Variants in CCSER2 observed in about 807,000 individuals in gnomAD.
CCSER2 encodes coiled-coil serine rich protein 2.
Under a neutral mutation model 92.3 loss-of-function variants are expected in CCSER2, and 46 were observed. That is an observed-to-expected ratio of 0.50 (90% CI 0.39 to 0.64). CCSER2 has a LOEUF of 0.64. Among genes scored for constraint, CCSER2 ranks in the 30% least tolerant of loss-of-function variants. CCSER2 has a pLI of 0.00. For synonymous variants in CCSER2, 433 were observed against 431.4 expected (o/e 1.00, Z -0.04); for missense variants, 1,244 against 1,238.9 (o/e 1.00, Z -0.06).
chr10:84,501,699 A>G (rs1469038699), intron 9 of CCSER2, among the ~76,000 whole-genome samples: 1 of 142,816 alleles, frequency 7.0e-6, no homozygotes, highest in African/African-American at 2.5e-5. Flanking sequence ...CAATTCCTAC[A>G]ATACTAGTAA....
chr10:84,339,667 G>A (rs1844062460), intron 1 of CCSER2, among the ~76,000 whole-genome samples: 1 of 151,112 alleles, frequency 6.6e-6, no homozygotes, highest in Non-Finnish European at 1.5e-5. Flanking sequence ...TAGAGACGAG[G>A]TTTCTCCATG....
rs1849519643 is a variant in CCSER2, at chr10:84,514,253, C to G, written c.3130C>G (p.Pro1044Ala). 6.5e-7 allele frequency: 1 copy of G among 1,534,994 alleles called. No individual in the cohort carries two copies. The highest frequency in any genetic ancestry group is 8.7e-7 in the Non-Finnish European group (1 of 1,145,990). ...TAATCGATATTCTCGTCTTCCTAAA[C>G]CAAAGATACATTAAGTACATAGCCA... ...ASNRYSRLPK[P>A]KIH Residue 1044 changes from proline (P) to alanine (A), a missense_variant, in exon 10 of 10, where the codon CCA becomes GCA. Physicochemically the swap from Pro to Ala is conservative, Grantham distance 27. Transcript: ENST00000372088.
At chr10:84,453,973 T>A (rs968492868) in intron 6 of CCSER2, among the ~76,000 whole-genome samples, 5 of 152,206 alleles carry the variant, frequency 3.3e-5, no homozygotes, top group African/African-American at 1.2e-4. Flanking sequence ...TGCTTTTAGC[T>A]GTTTTTTGAT....
intron 9 of CCSER2, among the ~76,000 whole-genome samples, chr10:84,502,708 G>C (rs1400772240): frequency 2.0e-5 from 3 of 152,046 alleles, no homozygotes; most frequent in African/African-American, 7.2e-5. Context: ...TGAGGGAACT[G>C]CCTTTATCCT....
At position 84,340,095 on chromosome 10, in the gene CCSER2, G is replaced by A. The variant is rs533888881; in HGVS notation, c.-40+11287G>A. ...TGACCTCAGGTGATCCTCCTGCCTC[G>A]GCCTCCCAAAGTGCTGGGATTACAG... On this transcript the variant is annotated intron_variant, in intron 1 of 9. Coordinates refer to ENST00000372088, the MANE Select transcript of CCSER2 (RefSeq NM_001284240.2). Among the ~76,000 whole-genome samples, 174 of 151,998 alleles carry A rather than the reference G, an allele frequency of 1.1e-3. 2 individuals carry two copies. Among genetic ancestry groups the A allele is most frequent in the Middle Eastern group, 3.4e-3 (1 of 294 alleles).
chr10:84,397,500 A>G (rs776877720), intron 3 of CCSER2, among the ~76,000 whole-genome samples: 1 of 152,156 alleles, frequency 6.6e-6, no homozygotes, highest in Non-Finnish European at 1.5e-5. Flanking sequence ...AATTGAGGTC[A>G]CTCAATACAT....
At chr10:84,374,360 G>A (rs761080518) in intron 3 of CCSER2, among the ~76,000 whole-genome samples, 2 of 152,136 alleles carry the variant, frequency 1.3e-5, no homozygotes, top group Non-Finnish European at 2.9e-5. Flanking sequence ...CTCTTAGAAA[G>A]TTTGTTGTGG....
intron 6 of CCSER2, among the ~76,000 whole-genome samples, chr10:84,463,528 T>G (rs558945315): frequency 5.3e-5 from 8 of 152,358 alleles, no homozygotes; most frequent in African/African-American, 1.9e-4. Context: ...ACTGGGTTAC[T>G]TAATATTATT....
intron 9 of CCSER2, among the ~76,000 whole-genome samples, chr10:84,485,675 A>G (rs549546312): frequency 2.4e-4 from 36 of 152,332 alleles, no homozygotes; most frequent in Middle Eastern, 3.4e-3. Context: ...ATGTCTCTCC[A>G]TTAATTTAAG....
At chr10:84,341,961 T>C (rs943622109) in intron 1 of CCSER2, among the ~76,000 whole-genome samples, 3 of 152,226 alleles carry the variant, frequency 2.0e-5, no homozygotes, top group Non-Finnish European at 4.4e-5. Flanking sequence ...CGTATTCAGC[T>C]CTCTGAACCC....
At chr10:84,491,016 G>GT (rs921024534) in intron 9 of CCSER2, among the ~76,000 whole-genome samples, 1 of 152,230 alleles carries the variant, frequency 6.6e-6, no homozygotes, top group African/African-American at 2.4e-5. Context: ...TCCAGACCCT[G>GT]TTTGCCTGGG....
intron 4 of CCSER2, among the ~76,000 whole-genome samples, chr10:84,420,407 A>G (rs990269304): frequency 2.0e-5 from 3 of 152,236 alleles, no homozygotes; most frequent in Non-Finnish European, 4.4e-5. Flanking sequence ...CTCCTGAGGC[A>G]CCAAAGATAA....
At chr10:84,432,571 T>A (rs6585861) in intron 5 of CCSER2, among the ~76,000 whole-genome samples, 1 of 152,136 alleles carries the variant, frequency 6.6e-6, no homozygotes, top group South Asian at 2.1e-4. Flanking sequence ...CATTTTAAAA[T>A]TGGGTTGTTT....
At chr10:84,412,044 T>G (rs908783391) in intron 3 of CCSER2, among the ~76,000 whole-genome samples, 11 of 152,242 alleles carry the variant, frequency 7.2e-5, no homozygotes, top group Non-Finnish European at 5.9e-5. Flanking sequence ...ATCGAGGGTC[T>G]TTTCTGCATT....
At chr10:84,488,584 A>C (rs1355481424) in intron 9 of CCSER2, among the ~76,000 whole-genome samples, 2 of 152,090 alleles carry the variant, frequency 1.3e-5, no homozygotes, top group African/African-American at 4.8e-5. Context: ...ATCAGTGGTG[A>C]TATCCCCTGT....
chr10:84,462,574 A>C (rs1017337881), intron 6 of CCSER2, among the ~76,000 whole-genome samples: 1 of 152,208 alleles, frequency 6.6e-6, no homozygotes, highest in Admixed American at 6.5e-5. Flanking sequence ...CTTAATTTTT[A>C]AAAATGTGTT....
At chr10:84,383,337 G>T (rs1055085797) in intron 3 of CCSER2, among the ~76,000 whole-genome samples, 3 of 151,948 alleles carry the variant, frequency 2.0e-5, no homozygotes, top group Admixed American at 2.0e-4. Flanking sequence ...TTGAGATGGC[G>T]TCTCCCTCTG....
chr10:84,421,674 TA>T (rs1415455166), intron 4 of CCSER2, among the ~76,000 whole-genome samples: 1 of 152,196 alleles, frequency 6.6e-6, no homozygotes, highest in African/African-American at 2.4e-5. Context: ...GGCAGAAAAG[TA>T]TGATACTTTT....
At chr10:84,427,784 C>G (rs1167958822) in intron 5 of CCSER2, among the ~76,000 whole-genome samples, 21 of 152,146 alleles carry the variant, frequency 1.4e-4, no homozygotes, top group Admixed American at 1.4e-3. Context: ...CATTCTTCAT[C>G]TCTTCACCTA....
Sources: gnomAD v4.1 joint callset for allele counts (sites outside exome capture counted in the v4.1 genomes callset) on GRCh38, gnomAD v4.1.1 for gene constraint, MANE v1.5 for transcripts, NCBI Gene and HGNC (gene_info 2026-07-23, HGNC 2026-07-21) for gene names.